FAM124A: variants seen among roughly 807,000 people sequenced by gnomAD.
FAM124A encodes protein FAM124A.
Under a neutral mutation model 24.5 loss-of-function variants are expected in FAM124A, and 23 were observed. The ratio of observed to expected loss-of-function variants is 0.94; its 90% CI spans 0.68 to 1.33. The LOEUF (loss-of-function observed/expected upper bound fraction) is 1.33, where lower values mean the gene tolerates loss of function less well. Ranked by LOEUF, FAM124A falls within the 40% of genes most tolerant of loss-of-function variation. The pLI is 0.00. For synonymous variants in FAM124A, 287 were observed against 314.7 expected, an observed-to-expected ratio of 0.91 and a Z score of 0.93; for missense variants, 623 against 722.8, an observed-to-expected ratio of 0.86 and a Z score of 1.58.
At chr13:51,246,397 C>CGGG (rs1954559291) in intron 2 of FAM124A, among the ~76,000 whole-genome samples, 1 of 106,312 alleles carries the variant, frequency 9.4e-6, no homozygotes, top group Non-Finnish European at 2.1e-5. Flanking sequence ...GCATGTTTCT[C>CGGG]GTGGGGTGGG....
chr13:51,233,395 ACT>A (rs1443590559), intron 2 of FAM124A, among the ~76,000 whole-genome samples: 1 of 151,870 alleles, frequency 6.6e-6, no homozygotes, highest in African/African-American at 2.4e-5. Flanking sequence ...TTTCTCAGAG[ACT>A]CTACCCAGTA....
At position 51,252,135 on chromosome 13, in the gene FAM124A, T is replaced by G. The variant is rs1954631498; in HGVS notation, c.768T>G (p.Pro256=). 2 of 1,613,782 alleles carry G rather than the reference T, an allele frequency of 1.2e-6. No individual in the cohort carries two copies. Among genetic ancestry groups the G allele is most frequent in the Admixed American group, 3.3e-5 (2 of 60,010 alleles). ...AGCTCGTGCCTCTCCTGCCCAACCC[T>G]TGCAGCCCCATCAGCGAGGGGCGCT... The part of the protein sequence containing the change: ...IGELVPLLPN[P]CSPISEGRWQ... Residue 256 remains proline, a synonymous_variant, in exon 3 of 4, where the codon CCT becomes CCG. Transcript: ENST00000322475.
At chr13:51,266,372 T>C (rs1954786483) in intron 3 of FAM124A, among the ~76,000 whole-genome samples, 1 of 152,222 alleles carries the variant, frequency 6.6e-6, no homozygotes, top group Non-Finnish European at 1.5e-5. Flanking sequence ...AATAAAATTG[T>C]ACTTTTAATG....
At chr13:51,236,828 T>C (rs1433146740) in intron 2 of FAM124A, among the ~76,000 whole-genome samples, 3 of 147,508 alleles carry the variant, frequency 2.0e-5, no homozygotes, top group Non-Finnish European at 4.6e-5. Flanking sequence ...CTTTTATCCA[T>C]TTGTAAATGT....
chr13:51,259,537 G>A (rs925403970), intron 3 of FAM124A, among the ~76,000 whole-genome samples: 15 of 151,674 alleles, frequency 9.9e-5, no homozygotes, highest in African/African-American at 2.7e-4. Context: ...CCTCACCCCC[G>A]CAGGTCTCCC....
intron 2 of FAM124A, chr13:51,245,289 C>T (rs991779612): frequency 7.9e-6 from 5 of 634,162 alleles, no homozygotes; most frequent in African/African-American, 5.6e-5. Context: ...GGCCGCCCCC[C>T]ACTTTAATCT....
intron 3 of FAM124A, among the ~76,000 whole-genome samples, chr13:51,262,204 G>T (rs1225235760): frequency 6.6e-6 from 1 of 152,234 alleles, no homozygotes; most frequent in Non-Finnish European, 1.5e-5. Context: ...AGCTTTGTCA[G>T]GTTGGCCTGT....
chr13:51,249,480 T>A (rs1212972848), intron 2 of FAM124A, among the ~76,000 whole-genome samples: 1 of 152,214 alleles, frequency 6.6e-6, no homozygotes, highest in Non-Finnish European at 1.5e-5. Context: ...AAAAGCCTCT[T>A]GTAGAGTGAA....
At position 51,282,966 on chromosome 13, in the gene FAM124A, C is replaced by A. The variant is rs1954954208; in HGVS notation, c.*1710C>A. On this transcript the variant is annotated 3_prime_UTR_variant, in exon 4 of 4. Transcript: ENST00000322475. ...AGTCATATGGTCTCTTGCAGCTACT[C>A]AACTCTGCCACTGTAGTATGAAAGC... is the stretch of plus-strand genomic sequence containing the variant. The A allele has an allele frequency of 6.6e-6, 1 of 152,190 alleles. No homozygotes were observed. Among genetic ancestry groups the A allele is most frequent in the Admixed American group, 6.5e-5 (1 of 15,274 alleles). The allele number at this position is 152,190 out of a possible 1,614,324, so 9.4% of individuals were successfully genotyped here. A position where few individuals can be genotyped will look rare whatever the true frequency, so the allele number is the denominator to read the frequency against.
chr13:51,227,840 G>A (rs970447109), intron 1 of FAM124A, among the ~76,000 whole-genome samples: 2 of 152,168 alleles, frequency 1.3e-5, no homozygotes, highest in African/African-American at 4.8e-5. Flanking sequence ...TTCTTTGGAG[G>A]ACCTCCAATT....
rs774168466 is a variant in FAM124A at position 51,252,109 on chromosome 13, G to A, written c.742G>A (p.Glu248Lys). ...VLEFRVRDIG[E>K]LVPLLPNPCS... ...GGAGTTCCGAGTGAGGGACATAGGC[G>A]AGCTCGTGCCTCTCCTGCCCAACCC... Residue 248 changes from glutamate (E) to lysine (K), a missense_variant, in exon 3 of 4, where the codon GAG becomes AAG. Transcript: ENST00000322475. The A allele has an allele frequency of 2.5e-6, 4 of 1,614,056 alleles. No individual in the cohort carries two copies. Among genetic ancestry groups the A allele is most frequent in the Admixed American group, 1.7e-5 (1 of 60,026 alleles).
chr13:51,254,180 A>G (rs1217253999), intron 3 of FAM124A, among the ~76,000 whole-genome samples: 1 of 152,200 alleles, frequency 6.6e-6, no homozygotes, highest in Non-Finnish European at 1.5e-5. Flanking sequence ...TGCCATTTTG[A>G]ACTGTAATGT....
intron 3 of FAM124A, among the ~76,000 whole-genome samples, chr13:51,262,890 C>G (rs1272327464): frequency 6.6e-6 from 1 of 152,232 alleles, no homozygotes; most frequent in Admixed American, 6.5e-5. Flanking sequence ...ACAGCAGGCT[C>G]TCAATAAGCT....
At position 51,246,405 on chromosome 13, in the gene FAM124A, G is replaced by GC. The variant is rs1006255644; in HGVS notation, c.101-5063_101-5062insC. Among the ~76,000 whole-genome samples the GC allele has an allele frequency of 1.1e-3, 81 of 70,858 alleles. 8 individuals are homozygous for GC. Among genetic ancestry groups the GC allele is most frequent in the South Asian group, 6.1e-4 (1 of 1,646 alleles). 46.5% of individuals were successfully genotyped at this position (70,858 alleles called of 152,430 possible). A position where few individuals can be genotyped will look rare whatever the true frequency, so the allele number is the denominator to read the frequency against. On this transcript the variant is annotated intron_variant, in intron 2 of 3. Coordinates refer to ENST00000322475, the MANE Select transcript of FAM124A (RefSeq NM_001242312.2). Reference sequence around the variant, plus strand: ...CACAGAGGCATGTTTCTCGTGGGGTGGGGGGGGGTGTAACTCTAACACCTG... The same window carrying GC: ...CACAGAGGCATGTTTCTCGTGGGGTGCGGGGGGGGTGTAACTCTAACACCTG...
At chr13:51,245,969 C>T (rs903738291) in intron 2 of FAM124A, among the ~76,000 whole-genome samples, 3 of 152,182 alleles carry the variant, frequency 2.0e-5, no homozygotes, top group Non-Finnish European at 4.4e-5. Context: ...CTTTCTGCAT[C>T]ATAGAAGGCC....
At chr13:51,259,079 A>C (rs1954704999) in intron 3 of FAM124A, among the ~76,000 whole-genome samples, 2 of 152,152 alleles carry the variant, frequency 1.3e-5, no homozygotes. Context: ...ATCATGCTCC[A>C]GTTCCAAAGC....
intron 3 of FAM124A, among the ~76,000 whole-genome samples, chr13:51,268,263 A>G (rs1311728518): frequency 2.0e-5 from 3 of 152,380 alleles, no homozygotes; most frequent in African/African-American, 4.8e-5. Context: ...CAGTTCTGAC[A>G]TCTTTCCTTT....
intron 1 of FAM124A, 59 bp downstream of exon 1, chr13:51,222,628 C>T (rs1370245791): frequency 8.3e-7 from 1 of 1,207,088 alleles, no homozygotes. Flanking sequence ...CGCGGCGGCT[C>T]CTCCCCGGAC....
At chr13:51,265,542 G>C (rs1037072329) in intron 3 of FAM124A, among the ~76,000 whole-genome samples, 1 of 152,124 alleles carries the variant, frequency 6.6e-6, no homozygotes, top group African/African-American at 2.4e-5. Flanking sequence ...TGGTTCTCGC[G>C]TGCCTAAATC....
Sources: allele counts gnomAD v4.1 joint callset (sites outside exome capture counted in the v4.1 genomes callset), GRCh38; gene constraint gnomAD v4.1.1; transcripts MANE v1.5; gene names NCBI Gene and HGNC (gene_info 2026-07-23, HGNC 2026-07-21).